NUMB: variants seen among roughly 807,000 people sequenced by gnomAD.
NUMB encodes the protein NUMB endocytic adaptor protein.
A neutral mutation model predicts 59.7 loss-of-function variants in NUMB; 29 were observed. The observed-to-expected ratio is 0.49, with a 90% CI of 0.36 to 0.66. The LOEUF (loss-of-function observed/expected upper bound fraction) is 0.66. Among genes scored for constraint, NUMB ranks in the 30% least tolerant of loss-of-function variants. The probability of loss-of-function intolerance (pLI) is 0.00; values close to 1 mark genes in which losing one functional copy is unlikely to be tolerated. For missense variants in NUMB, 723 were observed against 822.0 expected, an observed-to-expected ratio of 0.88 and a Z score of 1.47; for synonymous variants, 288 against 288.2, an observed-to-expected ratio of 1.00 and a Z score of 0.01.
intron 2 of NUMB, among the ~76,000 whole-genome samples, chr14:73,367,774 CAAAAAAAA>C (rs11463575): frequency 8.9e-5 from 10 of 111,850 alleles, no homozygotes; most frequent in African/African-American, 3.4e-4. Context: ...GACCCTGTTT[CAAAAAAAA>C]AAAAAAAAAA....
chr14:73,387,505 C>G (rs941606214), intron 2 of NUMB, among the ~76,000 whole-genome samples: 1 of 151,996 alleles, frequency 6.6e-6, no homozygotes, highest in South Asian at 2.1e-4. Context: ...TCCCCTTTTG[C>G]TTGGCACTTC....
intron 4 of NUMB, among the ~76,000 whole-genome samples, chr14:73,337,908 C>G (rs1030855979): frequency 6.6e-6 from 1 of 152,118 alleles, no homozygotes; most frequent in Non-Finnish European, 1.5e-5. Context: ...ATTTCATCCC[C>G]CATTCACAAA....
At chr14:73,389,272 CAA>C (rs869074049) in intron 2 of NUMB, among the ~76,000 whole-genome samples, 7 of 66,478 alleles carry the variant, frequency 1.1e-4, no homozygotes, top group East Asian at 6.6e-4. Flanking sequence ...CTCCATCTCT[CAA>C]AAAAAAAAAA....
At chr14:73,329,078 G>A (rs905117462) in intron 4 of NUMB, among the ~76,000 whole-genome samples, 5 of 152,240 alleles carry the variant, frequency 3.3e-5, no homozygotes, top group African/African-American at 1.2e-4. Context: ...ATGTTGGTCA[G>A]GCTGATCTGG....
At position 73,276,800 on chromosome 14, in the gene NUMB, A is replaced by T; in HGVS notation, c.1734T>A (p.Pro578=). ...SSATTSPFFK[P]PAQHLNGSAA... ...CAGAACCGTTGAGGTGCTGAGCAGGAGGCTTAAAGAAGGGACTGGTGGTAG... is the reference window on the plus strand; with the variant it reads ...CAGAACCGTTGAGGTGCTGAGCAGGTGGCTTAAAGAAGGGACTGGTGGTAG... The change falls in exon 13 of 13, where the codon CCT becomes CCA. Residue 578 remains proline, a synonymous_variant. Transcript: ENST00000555238. 1 of 1,614,158 alleles carries T rather than the reference A, an allele frequency of 6.2e-7. No individual in the cohort carries two copies. The highest frequency in any genetic ancestry group is 8.5e-7 in the Non-Finnish European group (1 of 1,180,016).
chr14:73,293,159 T>C (rs969842462), intron 7 of NUMB, among the ~76,000 whole-genome samples: 1 of 152,158 alleles, frequency 6.6e-6, no homozygotes. Flanking sequence ...CAACAATATA[T>C]GTAAATCAGT....
chr14:73,343,413 A>C (rs1256980517), intron 4 of NUMB, among the ~76,000 whole-genome samples: 1 of 152,220 alleles, frequency 6.6e-6, no homozygotes, highest in Non-Finnish European at 1.5e-5. Context: ...AAGAATAAAT[A>C]TGATATAGTA....
intron 5 of NUMB, 180 bp downstream of exon 5, chr14:73,322,950 C>T: frequency 2.2e-6 from 1 of 463,802 alleles, no homozygotes; most frequent in South Asian, 3.4e-5. Context: ...CTCAGCCTCC[C>T]AAAGTGCTAG....
rs534335243 is a variant in NUMB at position 73,388,378 on chromosome 14, A to C, written c.-100-21397T>G. 2.0e-5 allele frequency among the ~76,000 whole-genome samples: 3 copies of C among 152,306 alleles called. No homozygotes were observed. In the East Asian group the frequency reaches 5.8e-4, roughly 29 times the overall value. On this transcript the variant is annotated intron_variant, in intron 2 of 12. Coordinates refer to ENST00000555238, the MANE Select transcript of NUMB (RefSeq NM_001005743.2). The stretch of plus-strand genomic sequence containing the variant: ...GGAAAACCTTTCCTTGTAAGATATA[A>C]CTTCCTTGTGGGGAAATATTTTTTA...
chr14:73,357,516 T>G (rs1238742502), intron 3 of NUMB, among the ~76,000 whole-genome samples: 1 of 152,040 alleles, frequency 6.6e-6, no homozygotes, highest in Non-Finnish European at 1.5e-5. Context: ...CCCAGCACTT[T>G]CGGAGGCCGA....
At chr14:73,302,947 G>C (rs1318499511) in intron 6 of NUMB, among the ~76,000 whole-genome samples, 1 of 152,118 alleles carries the variant, frequency 6.6e-6, no homozygotes, top group African/African-American at 2.4e-5. Flanking sequence ...GGGCACAGTG[G>C]CTCAAGCCTA....
chr14:73,433,013 C>T (rs778641381), intron 1 of NUMB, among the ~76,000 whole-genome samples: 9 of 149,748 alleles, frequency 6.0e-5, no homozygotes, highest in Non-Finnish European at 1.0e-4. Context: ...AAGACCAGCC[C>T]GGCCAACATG....
At chr14:73,363,467 C>G (rs140328573) in intron 3 of NUMB, among the ~76,000 whole-genome samples, 1,619 of 152,246 alleles carry the variant, frequency 0.011, 19 homozygotes, top group Middle Eastern at 0.044. Flanking sequence ...CATGCCCAGA[C>G]AGTTGAACAG....
intron 1 of NUMB, among the ~76,000 whole-genome samples, chr14:73,436,319 T>C (rs758733113): frequency 1.8e-4 from 27 of 152,104 alleles, no homozygotes; most frequent in Non-Finnish European, 2.9e-4. Context: ...AGGATTTTTG[T>C]TTTGTTTTGT....
chr14:73,304,707 C>T (rs1416904664), intron 6 of NUMB, among the ~76,000 whole-genome samples: 2 of 152,140 alleles, frequency 1.3e-5, no homozygotes, highest in African/African-American at 4.8e-5. Context: ...TTTATTTCAT[C>T]AGTATAATTA....
At chr14:73,299,670 A>G (rs545473568) in intron 6 of NUMB, among the ~76,000 whole-genome samples, 2 of 151,938 alleles carry the variant, frequency 1.3e-5, no homozygotes, top group Non-Finnish European at 1.5e-5. Flanking sequence ...GGATCGTGAT[A>G]CAGAAGTAGA....
intron 11 of NUMB, among the ~76,000 whole-genome samples, chr14:73,280,460 C>G (rs1210736610): frequency 6.6e-6 from 1 of 151,428 alleles, no homozygotes; most frequent in African/African-American, 2.4e-5. Context: ...TTTTCCCCCT[C>G]TATGATGTTT....
At position 73,433,014 on chromosome 14, in the gene NUMB, G is replaced by A. The variant is rs149850455; in HGVS notation, c.-232-22946C>T. On this transcript the variant is annotated intron_variant, in intron 1 of 12. Coordinates refer to ENST00000555238, the MANE Select transcript of NUMB (RefSeq NM_001005743.2). ...GAGGTCAGGAGTTCAAGACCAGCCC[G>A]GCCAACATGGCGAAACCCCATCTCT... 4.7e-3 allele frequency among the ~76,000 whole-genome samples: 710 copies of A among 152,184 alleles called. 6 individuals are homozygous for A. The highest frequency in any genetic ancestry group is 0.029 in the South Asian group (142 of 4,832).
Position 73,355,729 on chromosome 14 carries a change from A to T in NUMB, c.23T>A (p.Phe8Tyr), listed in dbSNP as rs1404991155. The T allele has an allele frequency of 6.2e-7, 1 of 1,613,008 alleles. No individual in the cohort carries two copies. Among genetic ancestry groups the T allele is most frequent in the South Asian group, 1.1e-5 (1 of 91,006 alleles). Residue 8 changes from phenylalanine (F) to tyrosine (Y), a missense_variant, in exon 4 of 13, where the codon TTT becomes TAT. By Grantham distance (22) the Phe-to-Tyr change is conservative. This residue lies in a region of NUMB where 317 missense variants were observed against 436.6 expected (regional missense o/e 0.73). Coordinates refer to ENST00000555238, the MANE Select transcript of NUMB (RefSeq NM_001005743.2). MNKLRQS[F>Y]RRKKDVYVPE... Reference sequence around the variant, plus strand: ...AACATAAACATCCTTCTTTCTCCTAAAACTTTGCCGTAATTTGTTCATTTT... The same window carrying T: ...AACATAAACATCCTTCTTTCTCCTATAACTTTGCCGTAATTTGTTCATTTT...
Sources: gnomAD v4.1 joint callset for allele counts (sites outside exome capture counted in the v4.1 genomes callset) on GRCh38, gnomAD v4.1.1 for gene constraint, gnomAD v4.1.1 regional missense constraint, MANE v1.5 for transcripts, NCBI Gene and HGNC (gene_info 2026-07-23, HGNC 2026-07-21) for gene names.